UGGT1: variants seen among roughly 807,000 people sequenced by gnomAD.
The protein encoded by UGGT1 is UDP-glucose glycoprotein glucosyltransferase 1, also known as UDP-glucose:glycoprotein glucosyltransferase 1.
A neutral mutation model predicts 203.9 loss-of-function variants in UGGT1; 107 were observed. The observed-to-expected ratio is 0.52, with a 90% CI of 0.45 to 0.62. The LOEUF is 0.62. UGGT1 is among the 20% of genes least tolerant of loss of function. UGGT1 has a pLI of 0.00. For missense variants in UGGT1, 1,673 were observed against 1,867.2 expected, an observed-to-expected ratio of 0.90 and a Z score of 1.92; for synonymous variants, 628 against 653.5, an observed-to-expected ratio of 0.96 and a Z score of 0.59.
chr2:128,115,060 G>A, intron 6 of UGGT1, 64 bp from the exon 7 acceptor site: 2 of 1,419,780 alleles, frequency 1.4e-6, no homozygotes, highest in Non-Finnish European at 2.0e-6. Flanking sequence ...ACATGGTCAT[G>A]CCATGTACAC....
intron 26 of UGGT1, among the ~76,000 whole-genome samples, chr2:128,165,772 A>T (rs13399924): frequency 0.15 from 21,432 of 142,588 alleles, 1,641 homozygotes; most frequent in Non-Finnish European, 0.18. Context: ...AACTTTTTTT[A>T]AAAAAAAAAA....
rs543666075 is a variant in UGGT1 at position 128,126,066 on chromosome 2, C to T, written c.1135-1295C>T. ...AAGTGATTCTCCTGCCTCAGCCTCC[C>T]GAGTAGCTGGGACTACAGGCGCGTG... is the stretch of plus-strand genomic sequence containing the variant. On this transcript the variant is annotated intron_variant, in intron 11 of 40. Transcript: ENST00000259253. 1.6e-4 allele frequency among the ~76,000 whole-genome samples: 24 copies of T among 151,200 alleles called. No homozygotes were observed. In the East Asian group the frequency reaches 3.3e-3, roughly 21 times the overall value.
intron 5 of UGGT1, among the ~76,000 whole-genome samples, chr2:128,112,819 G>T (rs1194971053): frequency 6.6e-6 from 1 of 151,614 alleles, no homozygotes; most frequent in African/African-American, 2.4e-5. Flanking sequence ...ATGATTACAG[G>T]CATCATGCAC....
At chr2:128,176,701 C>A in intron 31 of UGGT1, 113 bp from the exon 32 acceptor site, 2 of 969,212 alleles carry the variant, frequency 2.1e-6, no homozygotes, top group Non-Finnish European at 3.2e-6. Flanking sequence ...AAGAAGATAG[C>A]TGGATCTGGA....
intron 1 of UGGT1, among the ~76,000 whole-genome samples, chr2:128,095,439 T>C (rs13385569): frequency 1.9e-4 from 14 of 73,860 alleles, no homozygotes; most frequent in African/African-American, 2.8e-4. Flanking sequence ...CCTCCTTCTC[T>C]TCCTCCTTCT....
At chr2:128,110,096 G>T (rs1021811755) in intron 5 of UGGT1, among the ~76,000 whole-genome samples, 3 of 152,118 alleles carry the variant, frequency 2.0e-5, no homozygotes, top group African/African-American at 7.2e-5. Flanking sequence ...CTGAAATAAT[G>T]ATATTAATGA....
At chr2:128,127,571 C>A in intron 12 of UGGT1, 119 bp downstream of exon 12, 2 of 738,514 alleles carry the variant, frequency 2.7e-6, no homozygotes, top group Non-Finnish European at 4.6e-6. Context: ...GCTTACCAGC[C>A]CCCACTGGGT....
intron 16 of UGGT1, among the ~76,000 whole-genome samples, chr2:128,139,539 G>C (rs1407077058): frequency 6.6e-6 from 1 of 152,184 alleles, no homozygotes; most frequent in East Asian, 1.9e-4. Context: ...ATGTCACACA[G>C]AGACAGACAC....
At chr2:128,153,047 C>T (rs1325323422) in intron 19 of UGGT1, 143 bp downstream of exon 19, 9 of 1,137,974 alleles carry the variant, frequency 7.9e-6, no homozygotes, top group Admixed American at 5.6e-5. Context: ...TATGTGTAAA[C>T]TCTTTGCACC....
In UGGT1 at chr2:128,143,187, A is replaced by G. The variant is rs773547430; in HGVS notation, c.1813A>G (p.Ile605Val). The G allele has an allele frequency of 1.5e-5, 24 of 1,613,264 alleles. No individual in the cohort carries two copies. The highest frequency in any genetic ancestry group is 1.1e-5 in the South Asian group (1 of 90,842). The change falls in exon 17 of 41, where the codon ATT becomes GTT. Residue 605 changes from isoleucine (I) to valine (V), a missense_variant. By Grantham distance (29) the Ile-to-Val change is conservative. Coordinates refer to ENST00000259253, the MANE Select transcript of UGGT1 (RefSeq NM_020120.4). ...ATATCCGTATGTAGAAGTGAATAGCATTTTGGGGATTGATTCTGCTTATGA... is the reference window on the plus strand; with the variant it reads ...ATATCCGTATGTAGAAGTGAATAGCGTTTTGGGGATTGATTCTGCTTATGA... ...KKYPYVEVNS[I>V]LGIDSAYDRN...
At chr2:128,117,051 A>T (rs980861740) in intron 8 of UGGT1, among the ~76,000 whole-genome samples, 5 of 152,204 alleles carry the variant, frequency 3.3e-5, no homozygotes, top group African/African-American at 9.6e-5. Flanking sequence ...AATTTTATAC[A>T]TGCTCAATGG....
chr2:128,097,624 A>G, intron 2 of UGGT1, 60 bp downstream of exon 2: 3 of 1,586,008 alleles, frequency 1.9e-6, no homozygotes, highest in Non-Finnish European at 2.6e-6. Context: ...TCTGACAGTG[A>G]ACATTCAGGA....
chr2:128,121,352 T>G, intron 10 of UGGT1, 54 bp downstream of exon 10: 1 of 1,295,502 alleles, frequency 7.7e-7, no homozygotes, highest in Non-Finnish European at 1.1e-6. Flanking sequence ...ATCGTCATGT[T>G]CACTTGCCAA....
intron 5 of UGGT1, 80 bp downstream of exon 5, chr2:128,109,826 A>G (rs2105360610): frequency 8.3e-7 from 1 of 1,199,466 alleles, no homozygotes; most frequent in Non-Finnish European, 1.2e-6. Context: ...TGATTTTCTC[A>G]TCTGTTTTGT....
chr2:128,187,387 T>A, intron 39 of UGGT1, 62 bp from the exon 40 acceptor site: 1 of 1,557,632 alleles, frequency 6.4e-7, no homozygotes, highest in South Asian at 1.2e-5. Flanking sequence ...CAAGAACCTT[T>A]GAATTCTCTA....
intron 31 of UGGT1, among the ~76,000 whole-genome samples, chr2:128,175,140 C>T (rs553297585): frequency 9.2e-5 from 14 of 152,212 alleles, no homozygotes; most frequent in South Asian, 4.1e-4. Flanking sequence ...CAGTGTGATG[C>T]GGCTCATAGA....
rs1041602303 is a variant in UGGT1, at chr2:128,091,295, G to T, written c.-63G>T. On this transcript the variant is annotated 5_prime_UTR_variant, in exon 1 of 41. Transcript: ENST00000259253. ...TGGCGCAGCCTGCACTGCCGCTGCC[G>T]CCTCGCCCCGCCCTGCCCTGGCGTT... The T allele has an allele frequency of 6.8e-7, 1 of 1,470,258 alleles. No homozygotes were observed. The highest frequency in any genetic ancestry group is 9.0e-7 in the Non-Finnish European group (1 of 1,105,582). 91.1% of individuals were successfully genotyped at this position (1,470,258 alleles called of 1,614,324 possible).
intron 25 of UGGT1, 133 bp from the exon 26 acceptor site, chr2:128,164,597 T>C: frequency 1.5e-6 from 1 of 676,696 alleles, no homozygotes; most frequent in Non-Finnish European, 2.6e-6. Context: ...TTCTCATGCC[T>C]ATCAGTACGG....
chr2:128,099,507 G>A (rs1417402447), intron 2 of UGGT1, among the ~76,000 whole-genome samples: 1 of 152,096 alleles, frequency 6.6e-6, no homozygotes, highest in African/African-American at 2.4e-5. Flanking sequence ...GAAGAATTTT[G>A]CCATGTTGAT....
Sources: allele counts gnomAD v4.1 joint callset (sites outside exome capture counted in the v4.1 genomes callset), GRCh38; gene constraint gnomAD v4.1.1; transcripts MANE v1.5; gene names NCBI Gene and HGNC (gene_info 2026-07-23, HGNC 2026-07-21).